The following DCX variants were observed in gnomAD, a reference collection of about 807,000 sequenced individuals.
The protein encoded by DCX is doublecortin.
Under a neutral mutation model 20.9 loss-of-function variants are expected in DCX, and 4 were observed. The ratio of observed to expected loss-of-function variants is 0.19; its 90% CI spans 0.09 to 0.44. The LOEUF (loss-of-function observed/expected upper bound fraction) is 0.44, where lower values mean the gene tolerates loss of function less well. DCX is among the 20% of genes least tolerant of loss of function. DCX has a pLI of 0.99. For synonymous variants in DCX, 103 were observed against 111.4 expected (o/e 0.92, Z 0.47); for missense variants, 133 against 296.9 (o/e 0.45, Z 4.06).
chrX:111,347,544 G>A (rs1430524690), intron 3 of DCX, among the ~76,000 whole-genome samples: 1 of 111,123 alleles, frequency 9.0e-6, no homozygotes, highest in Non-Finnish European at 1.9e-5. Flanking sequence ...GATTGTGAAG[G>A]GAAAAATTGA....
At position 111,330,914 on chromosome X, in the gene DCX, G is replaced by A. The variant is rs371447966; in HGVS notation, c.936C>T (p.Asn312=). 74 of 1,210,288 alleles carry A rather than the reference G, an allele frequency of 6.1e-5. No individual in the cohort carries two copies. The highest frequency in any genetic ancestry group is 7.0e-5 in the Non-Finnish European group (63 of 895,195). ...RRSKSPADSG[N]DQDANGTSSS... The stretch of plus-strand genomic sequence containing the variant: ...GAAAAGAGCACTCACCGTCTTGGTC[G>A]TTACCTGAGTCAGCTGGAGACTTGC... Residue 312 remains asparagine, a synonymous_variant, in exon 5 of 7, where the codon AAC becomes AAT. Coordinates refer to ENST00000636035, the MANE Select transcript of DCX (RefSeq NM_001195553.2).
chrX:111,328,488 T>C (rs1006450837), intron 5 of DCX, among the ~76,000 whole-genome samples: 18 of 111,851 alleles, frequency 1.6e-4, no homozygotes, highest in Admixed American at 1.2e-3. Context: ...ACCAATTGGA[T>C]GCAGTCTGCA....
At chrX:111,351,940 G>A (rs971894825) in intron 3 of DCX, among the ~76,000 whole-genome samples, 1 of 111,620 alleles carries the variant, frequency 9.0e-6, no homozygotes, top group Non-Finnish European at 1.9e-5. Context: ...GCCCAGGCTG[G>A]TCTGGAACTC....
At chrX:111,333,892 G>A (rs1208490770) in intron 3 of DCX, among the ~76,000 whole-genome samples, 6 of 111,550 alleles carry the variant, frequency 5.4e-5, no homozygotes, top group Admixed American at 3.8e-4. Context: ...AAGAGATGAG[G>A]GTCCCTGGGA....
At chrX:111,401,393 C>A in intron 2 of DCX, 63 bp from the exon 3 acceptor site, 1 of 955,271 alleles carries the variant, frequency 1.0e-6, no homozygotes, top group Non-Finnish European at 1.5e-6. Flanking sequence ...TTATTCTAAC[C>A]AAACTAATAC....
At chrX:111,377,600 C>A (rs1195550173) in intron 3 of DCX, among the ~76,000 whole-genome samples, 2 of 111,510 alleles carry the variant, frequency 1.8e-5, no homozygotes, top group African/African-American at 3.3e-5. Flanking sequence ...TGCATCTGCT[C>A]TACCTACCAC....
intron 2 of DCX, among the ~76,000 whole-genome samples, chrX:111,404,946 A>C (rs1489250707): frequency 2.7e-5 from 3 of 112,054 alleles, no homozygotes; most frequent in Non-Finnish European, 5.6e-5. Context: ...CCATCCTGCC[A>C]CAGCTTCCAA....
rs1007343973 is a variant in DCX at position 111,382,239 on chromosome X, T to C, written c.705+18751A>G. Among the ~76,000 whole-genome samples the C allele has an allele frequency of 3.6e-5, 4 of 111,987 alleles. No individual in the cohort carries two copies. In the South Asian group the frequency reaches 1.5e-3, roughly 42 times the overall value. ...GCATCACCTAGGAACTTGTTAAAAA[T>C]GCAAAATCTTGTACACAAATTAAAG... On this transcript the variant is annotated intron_variant, in intron 3 of 6. Coordinates refer to ENST00000636035, the MANE Select transcript of DCX (RefSeq NM_001195553.2).
At chrX:111,340,762 C>T (rs1922153877) in intron 3 of DCX, among the ~76,000 whole-genome samples, 1 of 111,040 alleles carries the variant, frequency 9.0e-6, no homozygotes, top group Admixed American at 9.6e-5. Flanking sequence ...GAACCCCCAG[C>T]AAAAGACAGC....
chrX:111,372,609 T>C (rs1925190910), intron 3 of DCX, among the ~76,000 whole-genome samples: 1 of 111,434 alleles, frequency 9.0e-6, no homozygotes, highest in Non-Finnish European at 1.9e-5. Context: ...TCTAATAGCC[T>C]ACCCTCACAG....
chrX:111,342,331 G>C (rs1294323142), intron 3 of DCX, among the ~76,000 whole-genome samples: 4 of 57,678 alleles, frequency 6.9e-5, no homozygotes, highest in Non-Finnish European at 1.0e-4. Context: ...AACAAGAAGA[G>C]CTAACTATTA....
chrX:111,405,425 A>T (rs929880668), intron 2 of DCX, among the ~76,000 whole-genome samples: 7 of 112,269 alleles, frequency 6.2e-5, no homozygotes, highest in African/African-American at 2.3e-4. Context: ...AGGTGGATTC[A>T]TCTCAATGAA....
At chrX:111,347,787 G>A (rs759882030) in intron 3 of DCX, among the ~76,000 whole-genome samples, 2 of 110,857 alleles carry the variant, frequency 1.8e-5, no homozygotes, top group East Asian at 2.8e-4. Flanking sequence ...CGAATAGATC[G>A]TGTTCTGTCA....
intron 6 of DCX, among the ~76,000 whole-genome samples, chrX:111,312,124 T>C (rs2095059071): frequency 8.9e-6 from 1 of 112,887 alleles, no homozygotes; most frequent in South Asian, 3.6e-4. Flanking sequence ...GTATATGTGC[T>C]CTCTTCCTAT....
Position 111,296,368 on chromosome X carries a change from T to C in DCX, c.*5319A>G, listed in dbSNP as rs975853558. The C allele has an allele frequency of 1.8e-5, 2 of 111,575 alleles. No homozygotes were observed. Among genetic ancestry groups the C allele is most frequent in the Admixed American group, 9.5e-5 (1 of 10,502 alleles). The allele number at this position is 111,575 out of a possible 1,213,427, so 9.2% of individuals were successfully genotyped here. On this transcript the variant is annotated 3_prime_UTR_variant, in exon 7 of 7. Coordinates refer to ENST00000636035, the MANE Select transcript of DCX (RefSeq NM_001195553.2). The stretch of plus-strand genomic sequence containing the variant: ...AGATGCCTTAATTACCAATTGGAAT[T>C]CTATACTCCCCTAGTCTCAGGCATC...
At chrX:111,343,989 AT>A (rs1406343189) in intron 3 of DCX, among the ~76,000 whole-genome samples, 4 of 111,745 alleles carry the variant, frequency 3.6e-5, no homozygotes, top group African/African-American at 1.3e-4. Flanking sequence ...CTCAAAAAAA[AT>A]AAAATAACTG....
chrX:111,352,492 C>G (rs1462289882), intron 3 of DCX, among the ~76,000 whole-genome samples: 2 of 111,786 alleles, frequency 1.8e-5, no homozygotes, highest in African/African-American at 6.5e-5. Context: ...GACCCTTGGT[C>G]TTGCGTTAAC....
At chrX:111,358,382 T>C (rs1923935170) in intron 3 of DCX, among the ~76,000 whole-genome samples, 2 of 111,752 alleles carry the variant, frequency 1.8e-5, no homozygotes, top group South Asian at 7.5e-4. Context: ...GATAAAAGGA[T>C]CTGGGAAGTC....
intron 2 of DCX, among the ~76,000 whole-genome samples, chrX:111,405,409 G>A (rs1928130578): frequency 8.9e-6 from 1 of 112,191 alleles, no homozygotes; most frequent in African/African-American, 3.2e-5. Flanking sequence ...GAATAAATTA[G>A]TGAGAAGGTG....
Sources: allele counts gnomAD v4.1 joint callset (sites outside exome capture counted in the v4.1 genomes callset), GRCh38; gene constraint gnomAD v4.1.1; transcripts MANE v1.5; gene names NCBI Gene and HGNC (gene_info 2026-07-23, HGNC 2026-07-21).